The following FAM13A variants were observed in gnomAD, a reference collection of about 807,000 sequenced individuals.
FAM13A encodes protein FAM13A.
A neutral mutation model predicts 129.6 loss-of-function variants in FAM13A; 76 were observed. The ratio of observed to expected loss-of-function variants is 0.59; its 90% CI spans 0.49 to 0.71. The LOEUF is 0.71. Among genes scored for constraint, FAM13A ranks in the 30% least tolerant of loss-of-function variants. The pLI is 0.00. For missense variants in FAM13A, 1,108 were observed against 1,249.3 expected (o/e 0.89, Z 1.70); for synonymous variants, 443 against 449.9 (o/e 0.98, Z 0.20).
At chr4:88,906,149 A>G (rs534064485) in intron 6 of FAM13A, among the ~76,000 whole-genome samples, 1 of 152,262 alleles carries the variant, frequency 6.6e-6, no homozygotes, top group African/African-American at 2.4e-5. Flanking sequence ...TTAGCTGGGC[A>G]TGGTGGTGCG....
intron 2 of FAM13A, among the ~76,000 whole-genome samples, chr4:89,025,247 T>TGTTG (rs1240841568): frequency 2.3e-5 from 1 of 42,684 alleles, no homozygotes; most frequent in African/African-American, 1.1e-4. Context: ...GAATCATTGT[T>TGTTG]TTTTTTTTTT....
intron 3 of FAM13A, among the ~76,000 whole-genome samples, chr4:89,001,422 G>T (rs1764229358): frequency 6.6e-6 from 1 of 152,146 alleles, no homozygotes. Context: ...TATATGTTTG[G>T]CATTGCTTAT....
chr4:88,740,075 C>T (rs1336092242), intron 19 of FAM13A, among the ~76,000 whole-genome samples: 3 of 152,162 alleles, frequency 2.0e-5, no homozygotes, highest in African/African-American at 7.2e-5. Flanking sequence ...CCCCATCATA[C>T]TTCAAGCTTC....
intron 6 of FAM13A, among the ~76,000 whole-genome samples, chr4:88,861,077 C>T (rs1462696322): frequency 2.0e-5 from 3 of 151,990 alleles, no homozygotes; most frequent in Admixed American, 2.0e-4. Context: ...GCTCAGCTGC[C>T]TCATCTGTAT....
intron 8 of FAM13A, among the ~76,000 whole-genome samples, chr4:88,796,087 T>C (rs1009315245): frequency 6.6e-6 from 1 of 151,876 alleles, no homozygotes; most frequent in African/African-American, 2.4e-5. Context: ...TTGCTTTTTC[T>C]TCCTTTCTAT....
At chr4:88,848,016 G>A (rs1205626534) in intron 7 of FAM13A, among the ~76,000 whole-genome samples, 1 of 151,862 alleles carries the variant, frequency 6.6e-6, no homozygotes, top group African/African-American at 2.4e-5. Flanking sequence ...TTTCACTTAA[G>A]GCATTTTTGA....
intron 6 of FAM13A, among the ~76,000 whole-genome samples, chr4:88,891,959 T>C (rs1745389800): frequency 1.3e-5 from 2 of 152,042 alleles, no homozygotes; most frequent in Admixed American, 6.5e-5. Context: ...GGAGGAGTGC[T>C]TAAAGCCAGG....
At chr4:88,747,473 G>A (rs899958484) in intron 18 of FAM13A, among the ~76,000 whole-genome samples, 158 bp downstream of exon 18, 11 of 152,258 alleles carry the variant, frequency 7.2e-5, no homozygotes, top group Admixed American at 3.3e-4. Context: ...CACAGTTAAC[G>A]CACTCTGCAG....
At chr4:88,759,457 A>G (rs1163304712) in intron 13 of FAM13A, 1 of 152,666 alleles carries the variant, frequency 6.6e-6, no homozygotes, top group Non-Finnish European at 1.5e-5. Flanking sequence ...CTCACTGAGT[A>G]TTGGGAGAAC....
At chr4:88,834,984 T>C (rs7676814) in intron 7 of FAM13A, among the ~76,000 whole-genome samples, 11,420 of 152,256 alleles carry the variant, frequency 0.075, 649 homozygotes, top group African/African-American at 0.16. Flanking sequence ...GAATTTTACT[T>C]ATTTTGGTCT....
chr4:88,852,063 C>CTCATTG (rs1317754530), intron 6 of FAM13A, among the ~76,000 whole-genome samples: 10 of 152,120 alleles, frequency 6.6e-5, no homozygotes. Context: ...ATGTCATGTG[C>CTCATTG]TCATTGCTGG....
chr4:89,035,570 T>A (rs1024790895), intron 1 of FAM13A, among the ~76,000 whole-genome samples: 1 of 152,166 alleles, frequency 6.6e-6, no homozygotes, highest in South Asian at 2.1e-4. Context: ...TACATGGTGA[T>A]ATGGTTTACA....
chr4:89,000,604 T>C (rs1255047663), intron 3 of FAM13A, among the ~76,000 whole-genome samples: 1 of 152,142 alleles, frequency 6.6e-6, no homozygotes, highest in Non-Finnish European at 1.5e-5. Flanking sequence ...AGTTAGATAA[T>C]GGTGATGGTT....
intron 7 of FAM13A, among the ~76,000 whole-genome samples, chr4:88,834,055 ATTTTTTTTTTTTTT>A (rs922832858): frequency 4.5e-4 from 38 of 84,200 alleles, no homozygotes; most frequent in Non-Finnish European, 7.7e-4. Context: ...AGGCCTGGCT[ATTTTTTTTTTTTTT>A]TTTTTTTTTT....
In FAM13A at chr4:88,980,945, T is replaced by G. The variant is rs138167292; in HGVS notation, c.605+10028A>C. Among the ~76,000 whole-genome samples the G allele has an allele frequency of 3.2e-3, 490 of 152,316 alleles. 4 individuals are homozygous for G. The highest frequency in any genetic ancestry group is 0.011 in the African/African-American group (466 of 41,578). On this transcript the variant is annotated intron_variant, in intron 4 of 23. Transcript: ENST00000264344. Reference sequence around the variant, plus strand: ...TTTTTCTGCAAGATTTGAAGACCAATAGCAGTTTTAAACATTTTTGGTGCT... The same window carrying G: ...TTTTTCTGCAAGATTTGAAGACCAAGAGCAGTTTTAAACATTTTTGGTGCT...
chr4:89,049,176 T>C (rs770565704), intron 1 of FAM13A, among the ~76,000 whole-genome samples: 4 of 152,096 alleles, frequency 2.6e-5, no homozygotes, highest in East Asian at 1.9e-4. Context: ...GGTGGGAGGA[T>C]TGCTTGAGCC....
At chr4:88,949,901 C>T (rs528395525) in intron 4 of FAM13A, among the ~76,000 whole-genome samples, 6 of 152,234 alleles carry the variant, frequency 3.9e-5, no homozygotes, top group Admixed American at 1.3e-4. Context: ...GAACATAAAA[C>T]GTCATAAGTG....
intron 6 of FAM13A, among the ~76,000 whole-genome samples, chr4:88,897,822 G>T (rs1364816063): frequency 6.6e-6 from 1 of 152,136 alleles, no homozygotes; most frequent in East Asian, 1.9e-4. Flanking sequence ...GACAGAGTTA[G>T]TACCTTAATA....
chr4:89,050,753 C>A (rs959739101), intron 1 of FAM13A, among the ~76,000 whole-genome samples: 2 of 151,776 alleles, frequency 1.3e-5, no homozygotes, highest in African/African-American at 4.8e-5. Context: ...CATGGTGAAA[C>A]CCTGTCTCTA....
Sources: allele counts gnomAD v4.1 joint callset (sites outside exome capture counted in the v4.1 genomes callset), GRCh38; gene constraint gnomAD v4.1.1; transcripts MANE v1.5; gene names NCBI Gene and HGNC (gene_info 2026-07-23, HGNC 2026-07-21).